The following STAG1 variants were observed in gnomAD, a reference collection of about 807,000 sequenced individuals.
STAG1 encodes the protein cohesin subunit SA-1.
STAG1 carries 26 observed loss-of-function variants against 170.9 expected under a neutral mutation model. The observed-to-expected ratio is 0.15, with a 90% confidence interval of 0.11 to 0.21. STAG1 has a LOEUF of 0.21. Ranked by LOEUF, STAG1 falls within the 10% of genes least tolerant of loss-of-function variation. STAG1 has a pLI of 1.00. For synonymous variants in STAG1, 514 were observed against 497.7 expected (o/e 1.03, Z -0.44); for missense variants, 964 against 1,509.5 (o/e 0.64, Z 5.99).
At chr3:136,471,367 T>C (rs1339432752) in intron 12 of STAG1, among the ~76,000 whole-genome samples, 1 of 152,094 alleles carries the variant, frequency 6.6e-6, no homozygotes, top group Non-Finnish European at 1.5e-5. Context: ...TTTGAGGCAC[T>C]TGACAAGTAT....
At chr3:136,471,955 A>C (rs529841376) in intron 12 of STAG1, among the ~76,000 whole-genome samples, 2 of 152,192 alleles carry the variant, frequency 1.3e-5, no homozygotes, top group African/African-American at 4.8e-5. Flanking sequence ...CTCCCACCTT[A>C]GCCTCCTAAG....
At chr3:136,566,319 T>C (rs1394076541) in intron 5 of STAG1, among the ~76,000 whole-genome samples, 1 of 152,140 alleles carries the variant, frequency 6.6e-6, no homozygotes, top group Non-Finnish European at 1.5e-5. Context: ...AACTAGAAGT[T>C]AGTATTCTGC....
chr3:136,415,700 G>A (rs936636467), intron 21 of STAG1, among the ~76,000 whole-genome samples: 3 of 152,148 alleles, frequency 2.0e-5, no homozygotes, highest in African/African-American at 7.2e-5. Context: ...GCCCAGCGTG[G>A]TGACGCAGCT....
At chr3:136,419,988 C>T (rs763763872) in intron 20 of STAG1, among the ~76,000 whole-genome samples, 1 of 151,994 alleles carries the variant, frequency 6.6e-6, no homozygotes, top group Non-Finnish European at 1.5e-5. Context: ...TGACTCACGT[C>T]TGTAATCCCA....
intron 7 of STAG1, among the ~76,000 whole-genome samples, chr3:136,520,392 T>C (rs925197008): frequency 3.3e-5 from 5 of 152,082 alleles, no homozygotes; most frequent in Non-Finnish European, 7.4e-5. Flanking sequence ...ATAAGTAAGA[T>C]GAATATAGGC....
intron 14 of STAG1, 131 bp from the exon 15 acceptor site, chr3:136,443,535 G>A (rs916194643): frequency 6.2e-6 from 4 of 640,042 alleles, no homozygotes; most frequent in South Asian, 2.1e-5. Context: ...ACCACTTAGA[G>A]AACAATATAT....
intron 23 of STAG1, among the ~76,000 whole-genome samples, chr3:136,372,748 T>G (rs138431876): frequency 3.2e-4 from 49 of 152,272 alleles, no homozygotes; most frequent in Non-Finnish European, 5.6e-4. Context: ...GATTCAGTTT[T>G]CCAGTATTTT....
chr3:136,429,006 C>T (rs137910133), intron 16 of STAG1, among the ~76,000 whole-genome samples: 182 of 151,786 alleles, frequency 1.2e-3, no homozygotes, highest in African/African-American at 4.0e-3. Flanking sequence ...CGTGGTGGCA[C>T]AGGCCTGTAA....
chr3:136,416,518 T>A (rs1017264737), intron 21 of STAG1, among the ~76,000 whole-genome samples: 1 of 152,198 alleles, frequency 6.6e-6, no homozygotes, highest in Non-Finnish European at 1.5e-5. Context: ...AACAGAGATG[T>A]ACTCTTATTC....
At chr3:136,732,456 G>A (rs1934096280) in intron 1 of STAG1, among the ~76,000 whole-genome samples, 1 of 152,048 alleles carries the variant, frequency 6.6e-6, no homozygotes, top group Admixed American at 6.6e-5. Flanking sequence ...AACTACCAAA[G>A]AAGCATTACA....
chr3:136,403,363 T>C (rs1218452820), intron 21 of STAG1, among the ~76,000 whole-genome samples: 3 of 151,762 alleles, frequency 2.0e-5, no homozygotes, highest in African/African-American at 7.3e-5. Flanking sequence ...GTCAGGATTT[T>C]ATTAAACATA....
chr3:136,504,747 C>A (rs1933669306), intron 7 of STAG1, among the ~76,000 whole-genome samples: 2 of 152,146 alleles, frequency 1.3e-5, no homozygotes, highest in Admixed American at 1.3e-4. Flanking sequence ...AACACCAACC[C>A]TGGTTGCAAT....
chr3:136,377,736 A>G lies in STAG1; in HGVS notation c.2294T>C (p.Leu765Ser). 6.2e-7 allele frequency: 1 copy of G among 1,614,034 alleles called. No homozygotes were observed. Among genetic ancestry groups the G allele is most frequent in the Non-Finnish European group, 8.5e-7 (1 of 1,179,964 alleles). ...GSPSKEDLLV[L>S]RKTVKSFLAV... is the part of the protein sequence containing the mutation. ...CAAAAAGGATTTCACCGTTTTCCTCAATACCAACAAATCCTCCTGTAAGAC... is the reference window on the plus strand; with the variant it reads ...CAAAAAGGATTTCACCGTTTTCCTCGATACCAACAAATCCTCCTGTAAGAC... The change falls in exon 23 of 34, where the codon TTG becomes TCG. Residue 765 changes from leucine to serine, a missense_variant. Physicochemically the swap from Leu to Ser is moderately radical, Grantham distance 145. This residue lies in a region of STAG1 where 232 missense variants were observed against 313.0 expected (regional missense o/e 0.74). Transcript: ENST00000383202.
chr3:136,551,971 T>A (rs1368278350), intron 5 of STAG1, among the ~76,000 whole-genome samples: 1 of 152,072 alleles, frequency 6.6e-6, no homozygotes, highest in East Asian at 1.9e-4. Flanking sequence ...GGCAAAATAC[T>A]TCATATTCCA....
chr3:136,505,494 A>T (rs952950207), intron 7 of STAG1, among the ~76,000 whole-genome samples: 1 of 152,252 alleles, frequency 6.6e-6, no homozygotes, highest in South Asian at 2.1e-4. Flanking sequence ...ACTAATAAAT[A>T]CATATATACT....
chr3:136,661,554 G>T (rs868619465), intron 1 of STAG1, among the ~76,000 whole-genome samples: 2 of 152,006 alleles, frequency 1.3e-5, no homozygotes, highest in Admixed American at 1.3e-4. Context: ...TAAATGTTGC[G>T]TTTAGACTTG....
intron 1 of STAG1, among the ~76,000 whole-genome samples, chr3:136,706,906 T>C (rs928943752): frequency 6.6e-6 from 1 of 152,202 alleles, no homozygotes; most frequent in African/African-American, 2.4e-5. Flanking sequence ...AAATACACTC[T>C]ATGGTCAACT....
chr3:136,377,386 C>CAAAAAAAAAAAAAAAAA lies in STAG1; in HGVS notation c.2370+257_2370+273dup, dbSNP rs57934830. ...TGGGCGACAGAGCGAGACTCTGTCT[C>CAAAAAAAAAAAAAAAAA]AAAAAAAAAAAAAAAAAAAGTCTAC... On this transcript the variant is annotated intron_variant, in intron 23 of 33. Transcript: ENST00000383202. Among the ~76,000 whole-genome samples the CAAAAAAAAAAAAAAAAA allele has an allele frequency of 1.9e-3, 83 of 42,570 alleles. 21 individuals carry two copies. The highest frequency in any genetic ancestry group is 9.1e-3 in the African/African-American group (74 of 8,124). The allele number at this position is 42,570 out of a possible 152,430, so 27.9% of individuals were successfully genotyped here. A position where few individuals can be genotyped will look rare whatever the true frequency, so the allele number is the denominator to read the frequency against.
At chr3:136,662,782 C>A (rs1039148260) in intron 1 of STAG1, among the ~76,000 whole-genome samples, 2 of 152,136 alleles carry the variant, frequency 1.3e-5, no homozygotes, top group South Asian at 4.1e-4. Flanking sequence ...TGGGCATGGT[C>A]GCTAACATCT....
Sources: allele counts gnomAD v4.1 joint callset (sites outside exome capture counted in the v4.1 genomes callset), GRCh38; gene constraint gnomAD v4.1.1; regional missense constraint gnomAD v4.1.1; transcripts MANE v1.5; gene names NCBI Gene and HGNC (gene_info 2026-07-23, HGNC 2026-07-21).